Variants in PARD3 observed in about 807,000 individuals in gnomAD.
PARD3 encodes the protein partitioning defective 3 homolog.
PARD3 carries 75 observed loss-of-function variants against 155.4 expected under a neutral mutation model. That is an observed-to-expected ratio of 0.48 (90% CI 0.40 to 0.58). PARD3 has a LOEUF of 0.58. Ranked by LOEUF, PARD3 falls within the 20% of genes least tolerant of loss-of-function variation. PARD3 has a pLI of 0.00. For missense variants in PARD3, 1,642 were observed against 1,721.7 expected (o/e 0.95, Z 0.82); for synonymous variants, 576 against 610.5 (o/e 0.94, Z 0.83).
rs1023633954 is a variant in PARD3, at chr10:34,344,986, G to A, written c.2218+2979C>T. The A allele has an allele frequency of 2.5e-5, 25 of 984,944 alleles. No individual in the cohort carries two copies. In the South Asian group the frequency reaches 4.7e-4, roughly 19 times the overall value. 61.0% of individuals were successfully genotyped at this position (984,944 alleles called of 1,614,324 possible). A position where few individuals can be genotyped will look rare whatever the true frequency, so the allele number is the denominator to read the frequency against. On this transcript the variant is annotated intron_variant, in intron 15 of 24. Transcript: ENST00000374788. ...TGAAGGCTGCTTTCAAAGATTTAAC[G>A]TCTTTGATTTTTTTAGTCACCATGG...
At chr10:34,264,924 T>G (rs1266953080) in intron 22 of PARD3, among the ~76,000 whole-genome samples, 1 of 152,054 alleles carries the variant, frequency 6.6e-6, no homozygotes. Flanking sequence ...TAATTTATTT[T>G]TATTTTTGTA....
chr10:34,268,932 A>G (rs1052140326), intron 22 of PARD3, among the ~76,000 whole-genome samples: 10 of 152,164 alleles, frequency 6.6e-5, no homozygotes, highest in Non-Finnish European at 1.0e-4. Flanking sequence ...TATAATAAAA[A>G]ATAAATAAAT....
intron 4 of PARD3, among the ~76,000 whole-genome samples, chr10:34,458,437 G>A (rs2077448075): frequency 6.6e-6 from 1 of 152,184 alleles, no homozygotes. Context: ...TCCTGGCCTC[G>A]AGAAATCCTC....
chr10:34,675,801 A>G (rs1590583306), intron 2 of PARD3: 1 of 186,580 alleles, frequency 5.4e-6, no homozygotes, highest in East Asian at 1.2e-4. Context: ...GTTTTCATCA[A>G]CCTTAATTAG....
At chr10:34,535,022 T>A (rs560234990) in intron 2 of PARD3, among the ~76,000 whole-genome samples, 6 of 152,052 alleles carry the variant, frequency 3.9e-5, no homozygotes, top group Non-Finnish European at 7.4e-5. Context: ...AAAAAATGAA[T>A]CATCCTATTT....
chr10:34,559,950 G>A (rs1464612106), intron 2 of PARD3, among the ~76,000 whole-genome samples: 1 of 152,168 alleles, frequency 6.6e-6, no homozygotes, highest in Non-Finnish European at 1.5e-5. Context: ...ATGAGTCAGT[G>A]AAGAGAGAAG....
chr10:34,470,325 G>A (rs1228125965), intron 3 of PARD3, 62 bp from the exon 4 acceptor site: 2 of 1,210,570 alleles, frequency 1.7e-6, no homozygotes, highest in East Asian at 5.1e-5. Context: ...CTACATGTTA[G>A]GAGAACGTAG....
intron 1 of PARD3, among the ~76,000 whole-genome samples, chr10:34,788,707 T>C (rs1392828348): frequency 6.6e-6 from 1 of 152,148 alleles, no homozygotes; most frequent in Non-Finnish European, 1.5e-5. Flanking sequence ...TATGTATCTC[T>C]CATACAATCT....
rs558431023 is a variant in PARD3 at position 34,514,277 on chromosome 10, G to A, written c.403+2702C>T. On this transcript the variant is annotated intron_variant, in intron 3 of 24. Coordinates refer to ENST00000374788, the MANE Select transcript of PARD3 (RefSeq NM_001184785.2). Reference sequence around the variant, plus strand: ...TAGAAATTTATTTATCTTCAATTAAGCAAATCTCTACATATTGTTGGCTTC... The same window carrying A: ...TAGAAATTTATTTATCTTCAATTAAACAAATCTCTACATATTGTTGGCTTC... Among the ~76,000 whole-genome samples the A allele has an allele frequency of 2.4e-4, 37 of 152,244 alleles. No homozygotes were observed. In the East Asian group the frequency reaches 7.1e-3, roughly 29 times the overall value.
At chr10:34,694,455 G>A (rs1218788135) in intron 2 of PARD3, among the ~76,000 whole-genome samples, 2 of 148,312 alleles carry the variant, frequency 1.3e-5, no homozygotes, top group African/African-American at 5.0e-5. Flanking sequence ...AACATAAGTC[G>A]GCAGAAAACT....
intron 2 of PARD3, among the ~76,000 whole-genome samples, chr10:34,646,760 G>A (rs527482853): frequency 2.6e-4 from 39 of 152,134 alleles, no homozygotes; most frequent in Non-Finnish European, 5.4e-4. Flanking sequence ...CCACTTCCCT[G>A]CCCCAAGTGA....
chr10:34,450,295 A>G, intron 5 of PARD3, 22 bp downstream of exon 5: 3 of 1,608,450 alleles, frequency 1.9e-6, no homozygotes, highest in Non-Finnish European at 2.5e-6. Flanking sequence ...AATGACGCAC[A>G]TATAAGGATT....
At chr10:34,367,498 G>A (rs1239647933) in intron 12 of PARD3, among the ~76,000 whole-genome samples, 2 of 152,122 alleles carry the variant, frequency 1.3e-5, no homozygotes, top group Non-Finnish European at 2.9e-5. Flanking sequence ...GAGGTCAAGA[G>A]ATCAAGACCA....
At chr10:34,233,819 C>T (rs772383265) in intron 22 of PARD3, among the ~76,000 whole-genome samples, 1 of 152,100 alleles carries the variant, frequency 6.6e-6, no homozygotes, top group Non-Finnish European at 1.5e-5. Flanking sequence ...CTCACACAGG[C>T]TTCCCTGCCT....
At chr10:34,374,447 G>A (rs953704049) in intron 11 of PARD3, among the ~76,000 whole-genome samples, 5 of 152,016 alleles carry the variant, frequency 3.3e-5, no homozygotes, top group Non-Finnish European at 7.4e-5. Context: ...CAACAGTAAG[G>A]AAGCAAGCAT....
intron 22 of PARD3, among the ~76,000 whole-genome samples, chr10:34,153,175 A>G (rs766822372): frequency 2.6e-5 from 4 of 152,090 alleles, no homozygotes; most frequent in Non-Finnish European, 5.9e-5. Flanking sequence ...CACGGATGCA[A>G]TCAAAGCTCA....
chr10:34,355,256 A>G (rs1838667792), intron 14 of PARD3, among the ~76,000 whole-genome samples: 1 of 152,106 alleles, frequency 6.6e-6, no homozygotes, highest in Non-Finnish European at 1.5e-5. Flanking sequence ...GAGCATGGGA[A>G]GTCGAGGCTA....
At chr10:34,779,886 A>G (rs7904348) in intron 1 of PARD3, among the ~76,000 whole-genome samples, 111,498 of 152,132 alleles carry the variant, frequency 0.73, 41,616 homozygotes, top group African/African-American at 0.86. Flanking sequence ...ATACACAGGC[A>G]AATTCCTTGG....
intron 20 of PARD3, among the ~76,000 whole-genome samples, chr10:34,291,743 T>C (rs532959345): frequency 6.6e-6 from 1 of 152,350 alleles, no homozygotes; most frequent in Admixed American, 6.5e-5. Flanking sequence ...TTAATAAATC[T>C]ATGTTTAAAT....
Sources: allele counts gnomAD v4.1 joint callset (sites outside exome capture counted in the v4.1 genomes callset), GRCh38; gene constraint gnomAD v4.1.1; transcripts MANE v1.5; gene names NCBI Gene and HGNC (gene_info 2026-07-23, HGNC 2026-07-21).